Variants in R3HDM1 observed in about 807,000 individuals in gnomAD.
The protein encoded by R3HDM1 is R3H domain containing 1.
R3HDM1 carries 46 observed loss-of-function variants against 141.1 expected under a neutral mutation model. The observed-to-expected ratio is 0.33, with a 90% confidence interval of 0.26 to 0.42. The LOEUF (loss-of-function observed/expected upper bound fraction) is 0.42. Among genes scored for constraint, R3HDM1 ranks in the 10% least tolerant of loss-of-function variants. R3HDM1 has a pLI of 1.00. For synonymous variants in R3HDM1, 435 were observed against 472.9 expected, an observed-to-expected ratio of 0.92 and a Z score of 1.04; for missense variants, 1,184 against 1,368.3, an observed-to-expected ratio of 0.87 and a Z score of 2.12.
At position 135,710,129 on chromosome 2, in the gene R3HDM1, T is replaced by C. The variant is rs757873435; in HGVS notation, c.2634T>C (p.Ser878=). ...MQLSVPNNPQ[S]CAHSPPQWKQ... ...TCAGTGTACCAAACAATCCACAATC[T>C]TGTGCCCACTCACCCCCGCAGTGGA... is the stretch of plus-strand genomic sequence containing the variant. Residue 878 remains serine, a synonymous_variant, in exon 23 of 27, where the codon TCT becomes TCC. Transcript: ENST00000683871. 1 of 1,614,140 alleles carries C rather than the reference T, an allele frequency of 6.2e-7. No individual in the cohort carries two copies. Among genetic ancestry groups the C allele is most frequent in the East Asian group, 2.2e-5 (1 of 44,890 alleles).
intron 1 of R3HDM1, among the ~76,000 whole-genome samples, chr2:135,546,874 G>A (rs1174981159): frequency 6.6e-6 from 1 of 152,110 alleles, no homozygotes; most frequent in East Asian, 1.9e-4. Context: ...GTTTCACCAT[G>A]TTGGTCAGGC....
At chr2:135,551,788 T>G (rs1699895632) in intron 1 of R3HDM1, among the ~76,000 whole-genome samples, 1 of 152,216 alleles carries the variant, frequency 6.6e-6, no homozygotes, top group Non-Finnish European at 1.5e-5. Context: ...TTTTAAATTT[T>G]TTGAGTGAAA....
chr2:135,651,914 C>T lies in R3HDM1; in HGVS notation c.1910C>T (p.Pro637Leu). The change falls in exon 18 of 27, where the codon CCT (proline) becomes CTT (leucine). Residue 637 changes from proline (P) to leucine (L), a missense_variant. Physicochemically the swap from Pro to Leu is moderately conservative, Grantham distance 98. Coordinates refer to ENST00000683871, the MANE Select transcript of R3HDM1 (RefSeq NM_001378107.1). ...HPPPPPPPPP[P>L]PPPLPPGQPV... is the part of the protein sequence containing the mutation. The stretch of plus-strand genomic sequence containing the variant: ...CCTCCACCGCCACCACCACCACCTC[C>T]TCCTCCTCCCCTACCACCTGGGCAG... The T allele has an allele frequency of 6.2e-7, 1 of 1,613,974 alleles. No homozygotes were observed.
chr2:135,644,429 G>A (rs1461448063), intron 15 of R3HDM1, among the ~76,000 whole-genome samples: 1 of 152,092 alleles, frequency 6.6e-6, no homozygotes, highest in East Asian at 1.9e-4. Context: ...CTTGAACCCG[G>A]GGGAGGCTGA....
intron 19 of R3HDM1, among the ~76,000 whole-genome samples, chr2:135,673,794 A>G (rs1559401869): frequency 6.6e-6 from 1 of 152,204 alleles, no homozygotes; most frequent in Non-Finnish European, 1.5e-5. Flanking sequence ...GGGATTCACT[A>G]TAACTGAATT....
At chr2:135,664,080 A>G (rs1398581657) in intron 19 of R3HDM1, among the ~76,000 whole-genome samples, 1 of 151,162 alleles carries the variant, frequency 6.6e-6, no homozygotes, top group African/African-American at 2.4e-5. Flanking sequence ...TTATGTTTGT[A>G]TGTGCCCTAG....
At chr2:135,718,517 C>G (rs912459278) in intron 24 of R3HDM1, among the ~76,000 whole-genome samples, 3 of 152,060 alleles carry the variant, frequency 2.0e-5, no homozygotes, top group African/African-American at 4.8e-5. Flanking sequence ...CTGTCTTATT[C>G]CATCGCCCAG....
Position 135,709,461 on chromosome 2 carries a change from G to A in R3HDM1, c.2488G>A (p.Gly830Arg). The A allele has an allele frequency of 6.2e-7, 1 of 1,614,092 alleles. No individual in the cohort carries two copies. Among genetic ancestry groups the A allele is most frequent in the Non-Finnish European group, 8.5e-7 (1 of 1,180,006 alleles). Residue 830 changes from glycine to arginine, a missense_variant, in exon 22 of 27, where the codon GGA becomes AGA. This residue lies in a region of R3HDM1 where 563 missense variants were observed against 562.0 expected (regional missense o/e 1.00). Transcript: ENST00000683871. ...TTCAGTAGGTTACCTGCAACATCCAGGATCAGAACAAGTACAATTTCCTCG... is the reference window on the plus strand; with the variant it reads ...TTCAGTAGGTTACCTGCAACATCCAAGATCAGAACAAGTACAATTTCCTCG... ...SSSVGYLQHPGSEQVQFPRTT... is the reference protein window; with the variant it reads ...SSSVGYLQHPRSEQVQFPRTT...
chr2:135,666,325 A>T (rs1256789369), intron 19 of R3HDM1, among the ~76,000 whole-genome samples: 1 of 152,182 alleles, frequency 6.6e-6, no homozygotes, highest in Admixed American at 6.5e-5. Context: ...CACAAAGTCA[A>T]TTTCTTTACT....
chr2:135,668,322 T>C (rs1474349277), intron 19 of R3HDM1, among the ~76,000 whole-genome samples: 1 of 152,240 alleles, frequency 6.6e-6, no homozygotes, highest in Non-Finnish European at 1.5e-5. Context: ...AATAATCTTT[T>C]AGTAATCTTT....
chr2:135,611,691 T>A (rs1157675494), intron 3 of R3HDM1, among the ~76,000 whole-genome samples: 1 of 152,206 alleles, frequency 6.6e-6, no homozygotes, highest in Non-Finnish European at 1.5e-5. Flanking sequence ...AGTTCAACTT[T>A]TTAAAACTTA....
chr2:135,640,629 G>A (rs2063703388), intron 14 of R3HDM1, among the ~76,000 whole-genome samples: 1 of 152,136 alleles, frequency 6.6e-6, no homozygotes. Context: ...TAAAATAGAA[G>A]CTGTCCTTCA....
intron 1 of R3HDM1, among the ~76,000 whole-genome samples, chr2:135,599,874 C>T (rs759255461): frequency 1.2e-4 from 18 of 151,842 alleles, no homozygotes; most frequent in Non-Finnish European, 2.6e-4. Context: ...TCTACAAAAA[C>T]AATTTAAAAA....
chr2:135,540,375 T>C (rs1442651232), intron 1 of R3HDM1, among the ~76,000 whole-genome samples: 1 of 152,154 alleles, frequency 6.6e-6, no homozygotes, highest in African/African-American at 2.4e-5. Context: ...GCGTAGGTGG[T>C]CAAAAAATAA....
At chr2:135,699,048 A>ATAGATAGAT (rs1559466490) in intron 21 of R3HDM1, among the ~76,000 whole-genome samples, 17 of 130,444 alleles carry the variant, frequency 1.3e-4, no homozygotes, top group African/African-American at 5.2e-4. Context: ...GATAGATAAG[A>ATAGATAGAT]TAGATAAGAT....
intron 1 of R3HDM1, among the ~76,000 whole-genome samples, chr2:135,562,749 T>C (rs766695592): frequency 2.0e-5 from 3 of 152,244 alleles, no homozygotes; most frequent in African/African-American, 4.8e-5. Flanking sequence ...TTATCAGGTA[T>C]CTTTTTAAAG....
At chr2:135,560,018 G>T (rs903920293) in intron 1 of R3HDM1, among the ~76,000 whole-genome samples, 3 of 152,156 alleles carry the variant, frequency 2.0e-5, no homozygotes, top group Non-Finnish European at 4.4e-5. Context: ...TCAGTGAGAG[G>T]GCTGAGATTT....
chr2:135,549,974 G>C (rs1391314141), intron 1 of R3HDM1: 1 of 962,876 alleles, frequency 1.0e-6, no homozygotes, highest in African/African-American at 1.8e-5. Flanking sequence ...ATTTTCCTTT[G>C]TTCTTTGGTA....
intron 12 of R3HDM1, 28 bp downstream of exon 12, chr2:135,638,683 G>T (rs1331697593): frequency 6.2e-7 from 1 of 1,611,010 alleles, no homozygotes; most frequent in Admixed American, 1.7e-5. Context: ...ATCTGTTTTG[G>T]TAATTGTCTG....
Sources: allele counts gnomAD v4.1 joint callset (sites outside exome capture counted in the v4.1 genomes callset), GRCh38; gene constraint gnomAD v4.1.1; regional missense constraint gnomAD v4.1.1; transcripts MANE v1.5; gene names NCBI Gene and HGNC (gene_info 2026-07-23, HGNC 2026-07-21).